The following ITPR2 variants were observed in gnomAD, a reference collection of about 807,000 sequenced individuals.
ITPR2 encodes inositol 1,4,5-trisphosphate receptor type 2, also known as inositol 1,4,5-trisphosphate-gated calcium channel ITPR2.
ITPR2 carries 207 observed loss-of-function variants against 317.1 expected under a neutral mutation model. The observed-to-expected ratio is 0.65, with a 90% CI of 0.58 to 0.73. The LOEUF (loss-of-function observed/expected upper bound fraction) is 0.73, where lower values mean the gene tolerates loss of function less well. Ranked by LOEUF, ITPR2 falls within the 30% of genes least tolerant of loss-of-function variation. The probability of loss-of-function intolerance (pLI) is 0.00; values close to 1 mark genes in which losing one functional copy is unlikely to be tolerated. For missense variants in ITPR2, 2,613 were observed against 3,284.0 expected (o/e 0.80, Z 4.99); for synonymous variants, 1,156 against 1,149.1 (o/e 1.01, Z -0.12).
rs147783192 is a variant in ITPR2, at chr12:26,469,093, T to C, written c.6342+6203A>G. 2.2e-4 allele frequency among the ~76,000 whole-genome samples: 34 copies of C among 152,320 alleles called. No homozygotes were observed. The East Asian group carries it at 2.9e-3, about 13-fold the overall frequency. On this transcript the variant is annotated intron_variant, in intron 45 of 56. Coordinates refer to ENST00000381340, the MANE Select transcript of ITPR2 (RefSeq NM_002223.4). ...TCCTAGGGGAAGTAGATCTTGTACATAACCTCCATGTTAAGACAAACACAT... is the reference window on the plus strand; with the variant it reads ...TCCTAGGGGAAGTAGATCTTGTACACAACCTCCATGTTAAGACAAACACAT...
intron 10 of ITPR2, among the ~76,000 whole-genome samples, chr12:26,691,529 G>A (rs1194703205): frequency 3.9e-5 from 6 of 151,988 alleles, no homozygotes; most frequent in Non-Finnish European, 5.9e-5. Context: ...TTAATCAAAC[G>A]AGCATTTTTC....
intron 25 of ITPR2, among the ~76,000 whole-genome samples, chr12:26,621,696 A>C (rs527970677): frequency 1.3e-5 from 2 of 152,268 alleles, no homozygotes; most frequent in South Asian, 4.1e-4. Context: ...ATATTCTTTT[A>C]ACATATTCCT....
Position 26,561,852 on chromosome 12 carries a change from A to G in ITPR2, c.4731T>C (p.Gly1577=), listed in dbSNP as rs1944829506. The part of the protein sequence containing the change: ...HSNMVQRAAM[G]WRLSARSGPR... ...GCCCAGAGCGAGCTGATAGTCTCCA[A>G]CCCATTGCTGCTCTCTGCACCATAT... The change falls in exon 35 of 57, where the codon GGT becomes GGC. Residue 1577 remains glycine (G), a synonymous_variant. Transcript: ENST00000381340. 3 of 1,599,626 alleles carry G rather than the reference A, an allele frequency of 1.9e-6. No homozygotes were observed. The highest frequency in any genetic ancestry group is 1.3e-5 in the African/African-American group (1 of 74,144).
intron 37 of ITPR2, among the ~76,000 whole-genome samples, chr12:26,542,510 T>C (rs1230889124): frequency 3.3e-5 from 5 of 152,242 alleles, no homozygotes; most frequent in East Asian, 1.9e-4. Flanking sequence ...AACTATGACA[T>C]AGGGTTGAAG....
At chr12:26,349,278 G>T (rs1163690149) in intron 55 of ITPR2, among the ~76,000 whole-genome samples, 1 of 152,220 alleles carries the variant, frequency 6.6e-6, no homozygotes, top group Admixed American at 6.5e-5. Flanking sequence ...AAAAACACGT[G>T]ACAGGACTTG....
chr12:26,658,171 C>T (rs1445539551), intron 16 of ITPR2, 41 bp from the exon 17 acceptor site: 6 of 1,405,688 alleles, frequency 4.3e-6, no homozygotes, highest in African/African-American at 1.5e-5. Flanking sequence ...GAAGACAAAG[C>T]ATTTTATAAA....
At chr12:26,819,885 G>A (rs566861025) in intron 1 of ITPR2, among the ~76,000 whole-genome samples, 1 of 152,010 alleles carries the variant, frequency 6.6e-6, no homozygotes, top group Admixed American at 6.6e-5. Context: ...TGGACAACAT[G>A]GCAAAACCCC....
At chr12:26,605,795 A>C (rs1176068571) in intron 26 of ITPR2, among the ~76,000 whole-genome samples, 1 of 152,242 alleles carries the variant, frequency 6.6e-6, no homozygotes, top group East Asian at 1.9e-4. Flanking sequence ...AAAGGCAGCG[A>C]CATTGGAAAA....
chr12:26,478,472 GCAAC>G (rs1161841729), intron 43 of ITPR2, among the ~76,000 whole-genome samples: 2 of 151,930 alleles, frequency 1.3e-5, no homozygotes, highest in African/African-American at 2.4e-5. Flanking sequence ...TAAAACCTTG[GCAAC>G]ACTGACAGTG....
At chr12:26,717,210 T>C (rs561337203) in intron 5 of ITPR2, among the ~76,000 whole-genome samples, 2 of 152,292 alleles carry the variant, frequency 1.3e-5, no homozygotes, top group East Asian at 1.9e-4. Flanking sequence ...ATAAATTAGT[T>C]TGATAGATAA....
intron 50 of ITPR2, among the ~76,000 whole-genome samples, chr12:26,416,941 A>G (rs1373573509): frequency 6.6e-6 from 1 of 152,186 alleles, no homozygotes; most frequent in Non-Finnish European, 1.5e-5. Context: ...CTTGCTAAAA[A>G]TGCATATGCC....
chr12:26,390,816 A>G (rs1483447370), intron 54 of ITPR2, among the ~76,000 whole-genome samples: 1 of 151,424 alleles, frequency 6.6e-6, no homozygotes, highest in Non-Finnish European at 1.5e-5. Flanking sequence ...AAAACAAACT[A>G]AACAAAACAA....
intron 1 of ITPR2, among the ~76,000 whole-genome samples, chr12:26,804,803 C>T (rs11614617): frequency 0.17 from 25,372 of 152,060 alleles, 2,857 homozygotes; most frequent in Non-Finnish European, 0.25. Context: ...TGCTGCAATC[C>T]TGGCTCACTA....
At chr12:26,602,967 T>C in intron 26 of ITPR2, among the ~76,000 whole-genome samples, 1 of 152,182 alleles carries the variant, frequency 6.6e-6, no homozygotes, top group Non-Finnish European at 1.5e-5. Flanking sequence ...TTGTAAAGTT[T>C]TCATACATAT....
chr12:26,621,668 T>A (rs757837117), intron 25 of ITPR2, among the ~76,000 whole-genome samples: 3 of 152,198 alleles, frequency 2.0e-5, no homozygotes, highest in Non-Finnish European at 4.4e-5. Context: ...ATTTGATGTA[T>A]AACTACCCTT....
chr12:26,813,624 C>A (rs1382113289), intron 1 of ITPR2, among the ~76,000 whole-genome samples: 1 of 152,186 alleles, frequency 6.6e-6, no homozygotes, highest in Non-Finnish European at 1.5e-5. Context: ...CCATTACCCC[C>A]ATCCTTGATT....
intron 2 of ITPR2, among the ~76,000 whole-genome samples, chr12:26,750,603 A>G (rs1949397085): frequency 6.6e-6 from 1 of 152,232 alleles, no homozygotes; most frequent in South Asian, 2.1e-4. Flanking sequence ...GTACTGGGAC[A>G]ACAGGTGGAA....
chr12:26,411,111 A>G, intron 52 of ITPR2: 1 of 508,546 alleles, frequency 2.0e-6, no homozygotes, highest in South Asian at 2.3e-5. Flanking sequence ...TCCTGAATAG[A>G]AACAATATAA....
intron 1 of ITPR2, among the ~76,000 whole-genome samples, chr12:26,828,218 G>A (rs36063496): frequency 0.2 from 30,284 of 152,158 alleles, 3,071 homozygotes; most frequent in Non-Finnish European, 0.22. Context: ...GATGCACTCT[G>A]TCTTTGAAGC....
Sources: allele counts gnomAD v4.1 joint callset (sites outside exome capture counted in the v4.1 genomes callset), GRCh38; gene constraint gnomAD v4.1.1; transcripts MANE v1.5; gene names NCBI Gene and HGNC (gene_info 2026-07-23, HGNC 2026-07-21).